RNF213: variants seen among roughly 807,000 people sequenced by gnomAD.
RNF213 encodes ring finger protein 213, also known as E3 ubiquitin-protein ligase RNF213.
In RNF213, 341 loss-of-function variants were observed where a neutral mutation model predicts 514.4. That is an observed-to-expected ratio of 0.66 (90% CI 0.61 to 0.73). The LOEUF is 0.73. Ranked by LOEUF, RNF213 falls within the 30% of genes least tolerant of loss-of-function variation. The pLI, the probability that RNF213 is intolerant of heterozygous loss-of-function variation, is 0.00. For synonymous variants in RNF213, 2,655 were observed against 2,658.2 expected (o/e 1.00, Z 0.04); for missense variants, 5,767 against 6,615.6 (o/e 0.87, Z 4.45).
chr17:80,388,409 G>GT, intron 63 of RNF213: 1 of 600,052 alleles, frequency 1.7e-6, no homozygotes, highest in Non-Finnish European at 3.0e-6. Context: ...GTAATTGGCT[G>GT]TGAGGACTCC....
chr17:80,305,204 G>GTTTTTTTT (rs1365890243), intron 11 of RNF213, among the ~76,000 whole-genome samples: 1 of 72,164 alleles, frequency 1.4e-5, no homozygotes. Flanking sequence ...TTTTGAGACA[G>GTTTTTTTT]TTTTGGTCTC....
chr17:80,326,529 C>T (rs2046286554), intron 18 of RNF213, among the ~76,000 whole-genome samples: 1 of 152,160 alleles, frequency 6.6e-6, no homozygotes, highest in Non-Finnish European at 1.5e-5. Flanking sequence ...TTTGGATAAA[C>T]CATGGCCTGT....
intron 3 of RNF213, among the ~76,000 whole-genome samples, chr17:80,275,682 G>A (rs1225465106): frequency 6.6e-6 from 1 of 151,662 alleles, no homozygotes; most frequent in African/African-American, 2.4e-5. Context: ...TTTTTTTTGA[G>A]ATGGAGTCTC....
chr17:80,288,095 A>G lies in RNF213; in HGVS notation c.542A>G (p.Glu181Gly). ...CCCCTGCAGGCCCAGGCTTTGGGAG[A>G]GGCAGGAGTGGCCACAGGAAGTGAG... The part of the protein sequence containing the change: ...DSPLQAQALG[E>G]AGVATGSEAQ... Residue 181 changes from glutamate to glycine, a missense_variant, in exon 4 of 68, where the codon GAG becomes GGG. Glu to Gly is a moderately conservative substitution (Grantham distance 98, BLOSUM62 -2). Coordinates refer to ENST00000582970, the MANE Select transcript of RNF213 (RefSeq NM_001256071.3). The surrounding 1 kb of genome is among the most constrained non-coding windows in gnomAD (Gnocchi z 4.9). 6.2e-7 allele frequency: 1 copy of G among 1,607,676 alleles called. No individual in the cohort carries two copies. The highest frequency in any genetic ancestry group is 1.1e-5 in the South Asian group (1 of 90,884).
At position 80,317,094 on chromosome 17, in the gene RNF213, G is replaced by C; in HGVS notation, c.2812-94G>C. ...GTGTTCGCGGAGTCCCGCGCTCTCT[G>C]TATTGCCGTAATGCTCTGTCTTTCT... On this transcript the variant is annotated intron_variant, in intron 15 of 67. Transcript: ENST00000582970. The surrounding 1 kb of genome is among the most constrained non-coding windows in gnomAD (Gnocchi z 4.1). 2.2e-6 allele frequency: 3 copies of C among 1,358,484 alleles called. No individual in the cohort carries two copies. Among genetic ancestry groups the C allele is most frequent in the Non-Finnish European group, 3.1e-6 (3 of 965,262 alleles). The allele number at this position is 1,358,484 out of a possible 1,614,324, so 84.2% of individuals were successfully genotyped here.
intron 3 of RNF213, among the ~76,000 whole-genome samples, chr17:80,276,537 G>A (rs746310220): frequency 2.6e-5 from 4 of 152,260 alleles, no homozygotes; most frequent in Middle Eastern, 3.4e-3. Context: ...AGAGAAAACC[G>A]ACATGAACAA....
At chr17:80,270,571 C>T (rs1056018458) in intron 2 of RNF213, among the ~76,000 whole-genome samples, 1 of 152,214 alleles carries the variant, frequency 6.6e-6, no homozygotes. Flanking sequence ...GGAAATGGCA[C>T]TGCAGGGCCT....
intron 67 of RNF213, among the ~76,000 whole-genome samples, chr17:80,391,129 C>A (rs905140089): frequency 2.0e-5 from 3 of 152,120 alleles, no homozygotes; most frequent in Non-Finnish European, 4.4e-5. Context: ...GAATACTCAA[C>A]ATTGGATATT....
At position 80,368,967 on chromosome 17, in the gene RNF213, T is replaced by C. The variant is rs545471017; in HGVS notation, c.12156-535T>C. Among the ~76,000 whole-genome samples the C allele has an allele frequency of 1.1e-3, 172 of 152,280 alleles. 1 individual carries two copies. In the South Asian group the frequency reaches 0.019, roughly 17 times the overall value. On this transcript the variant is annotated intron_variant, in intron 44 of 67. Coordinates refer to ENST00000582970, the MANE Select transcript of RNF213 (RefSeq NM_001256071.3). ...AGTGGATGGGTTCTTTGACATACTTTGGGATATTGAAGGGTATTGTTGCCG... is the reference window on the plus strand; with the variant it reads ...AGTGGATGGGTTCTTTGACATACTTCGGGATATTGAAGGGTATTGTTGCCG...
At chr17:80,287,177 T>C (rs34155220) in intron 3 of RNF213, among the ~76,000 whole-genome samples, 36,384 of 147,862 alleles carry the variant, frequency 0.25, 5,416 homozygotes, top group African/African-American at 0.42. Context: ...CTGAGCAACA[T>C]GGGAGACTCT....
intron 57 of RNF213, chr17:80,381,944 A>G: frequency 1.7e-6 from 1 of 583,232 alleles, no homozygotes; most frequent in Non-Finnish European, 3.1e-6. Flanking sequence ...AGAGGCTGGA[A>G]GGAGCTGCTC....
At chr17:80,383,174 G>A in intron 58 of RNF213, 104 bp downstream of exon 58, 1 of 803,816 alleles carries the variant, frequency 1.2e-6, no homozygotes. Flanking sequence ...AGCGGTGCCA[G>A]CAAGAGCCTT....
intron 20 of RNF213, among the ~76,000 whole-genome samples, chr17:80,329,431 G>A (rs1406638857): frequency 6.6e-6 from 1 of 152,258 alleles, no homozygotes. Flanking sequence ...TGCAGTGCCA[G>A]TTACACATCC....
rs1281278508 is a variant in RNF213, at chr17:80,263,667, GTCCCAGCAGGACC to G, written c.-14_-2del. The stretch of plus-strand genomic sequence containing the variant: ...CTCTTGCTTCTGGATCTGCAGGGCA[GTCCCAGCAGGACC>G]CATGGAGTGTCCTTCGTGCCAGCAT... On this transcript the variant is annotated 5_prime_UTR_variant, in exon 2 of 68. Transcript: ENST00000582970. The surrounding 1 kb of genome is among the most constrained non-coding windows in gnomAD (Gnocchi z 4.9). 1.9e-6 allele frequency: 3 copies of G among 1,611,148 alleles called. No individual in the cohort carries two copies. The South Asian group carries it at 3.3e-5, about 18-fold the overall frequency.
Position 80,319,058 on chromosome 17 carries a change from CAGG to C in RNF213, c.2902-129_2902-127del, listed in dbSNP as rs1031209907. On this transcript the variant is annotated intron_variant, in intron 16 of 67. Coordinates refer to ENST00000582970, the MANE Select transcript of RNF213 (RefSeq NM_001256071.3). ...CAGGGAGGACATGCTTTGCGTGGGC[CAGG>C]AGAAGCTTAAAATTGGGGGAAACAG... 3.5e-5 allele frequency: 55 copies of C among 1,592,880 alleles called. No individual in the cohort carries two copies. The Admixed American group carries it at 7.4e-4, about 21-fold the overall frequency.
chr17:80,344,713 C>T lies in RNF213; in HGVS notation c.6378C>T (p.Ile2126=). 3 of 1,614,146 alleles carry T rather than the reference C, an allele frequency of 1.9e-6. No homozygotes were observed. Among genetic ancestry groups the T allele is most frequent in the Non-Finnish European group, 2.5e-6 (3 of 1,180,032 alleles). ...TRVPQFSFLD[I]FPKVTCRPPK... is the part of the protein sequence containing the mutation. Reference sequence around the variant, plus strand: ...TACCCCAGTTCAGTTTTCTTGACATCTTCCCAAAAGTCACCTGCAGGCCTC... The same window carrying T: ...TACCCCAGTTCAGTTTTCTTGACATTTTCCCAAAAGTCACCTGCAGGCCTC... The change falls in exon 29 of 68, where the codon ATC becomes ATT. Residue 2126 remains isoleucine, a synonymous_variant. Coordinates refer to ENST00000582970, the MANE Select transcript of RNF213 (RefSeq NM_001256071.3).
At chr17:80,372,944 C>T in intron 48 of RNF213, 31 bp from the exon 49 acceptor site, 2 of 1,603,502 alleles carry the variant, frequency 1.2e-6, no homozygotes, top group South Asian at 1.1e-5. Flanking sequence ...AAGTCACCAG[C>T]CACTCACCCG....
At position 80,398,303 on chromosome 17, in the gene RNF213, G is replaced by A. The variant is rs1011391439; in HGVS notation, c.*4805G>A. ...TTGTTTTGTGGTATGCGTGTAGGGT[G>A]AGCGTAATGTTTTGTCTTGAAGAAG... is the stretch of plus-strand genomic sequence containing the variant. On this transcript the variant is annotated 3_prime_UTR_variant, in exon 68 of 68. Transcript: ENST00000582970. 5 of 152,062 alleles carry A rather than the reference G, an allele frequency of 3.3e-5. No homozygotes were observed. The highest frequency in any genetic ancestry group is 6.5e-5 in the Admixed American group (1 of 15,268). The allele number at this position is 152,062 out of a possible 1,614,324, so 9.4% of individuals were successfully genotyped here. A position where few individuals can be genotyped will look rare whatever the true frequency, so the allele number is the denominator to read the frequency against.
chr17:80,309,368 T>G (rs1423837289), intron 14 of RNF213, among the ~76,000 whole-genome samples, 197 bp downstream of exon 14: 2 of 152,126 alleles, frequency 1.3e-5, no homozygotes, highest in Non-Finnish European at 2.9e-5. Context: ...TGGGCCAGGG[T>G]CTGCCCTTCT....
Sources: allele counts gnomAD v4.1 joint callset (sites outside exome capture counted in the v4.1 genomes callset), GRCh38; gene constraint gnomAD v4.1.1; non-coding constraint Gnocchi (gnomAD v3.1); transcripts MANE v1.5; gene names NCBI Gene and HGNC (gene_info 2026-07-23, HGNC 2026-07-21).